HIVEP3: variants seen among roughly 807,000 people sequenced by gnomAD.
The protein encoded by HIVEP3 is transcription factor HIVEP3.
A neutral mutation model predicts 152.8 loss-of-function variants in HIVEP3; 49 were observed. That is an observed-to-expected ratio of 0.32 (90% CI 0.26 to 0.41). The LOEUF (loss-of-function observed/expected upper bound fraction) is 0.41. Ranked by LOEUF, HIVEP3 falls within the 10% of genes least tolerant of loss-of-function variation. The probability of loss-of-function intolerance (pLI) is 1.00; values close to 1 mark genes in which losing one functional copy is unlikely to be tolerated. For synonymous variants in HIVEP3, 1,269 were observed against 1,289.0 expected (o/e 0.98, Z 0.33); for missense variants, 2,790 against 3,103.3 (o/e 0.90, Z 2.40).
chr1:41,685,547 G>A (rs74071923), intron 2 of HIVEP3, among the ~76,000 whole-genome samples: 1 of 152,214 alleles, frequency 6.6e-6, no homozygotes, highest in African/African-American at 2.4e-5. Context: ...TCACCAAGTG[G>A]GCCATGCTGC....
At chr1:41,874,758 GCAAA>G (rs1262187427) in intron 1 of HIVEP3, among the ~76,000 whole-genome samples, 1 of 152,176 alleles carries the variant, frequency 6.6e-6, no homozygotes, top group Admixed American at 6.6e-5. Flanking sequence ...CAGACAATAA[GCAAA>G]CAAACAAACA....
intron 1 of HIVEP3, among the ~76,000 whole-genome samples, chr1:41,718,886 T>C (rs1471952737): frequency 6.6e-6 from 1 of 152,168 alleles, no homozygotes; most frequent in Non-Finnish European, 1.5e-5. Flanking sequence ...CCAAAGGCAT[T>C]AGAACGAAGG....
intron 1 of HIVEP3, among the ~76,000 whole-genome samples, chr1:41,915,236 T>C (rs1452855857): frequency 6.6e-6 from 1 of 152,232 alleles, no homozygotes; most frequent in Non-Finnish European, 1.5e-5. Context: ...TGGGTCATTG[T>C]GAGCATCAGT....
At chr1:41,939,237 C>A (rs1412220300) in intron 1 of HIVEP3, among the ~76,000 whole-genome samples, 2 of 152,064 alleles carry the variant, frequency 1.3e-5, no homozygotes. Context: ...AACCAAGCAC[C>A]CAATTTAAGA....
chr1:41,842,723 C>T (rs1643325560), intron 1 of HIVEP3, among the ~76,000 whole-genome samples: 1 of 152,132 alleles, frequency 6.6e-6, no homozygotes, highest in Non-Finnish European at 1.5e-5. Context: ...CTTTCTCATC[C>T]CTCGAGATGG....
chr1:41,727,774 G>A (rs980043070), intron 1 of HIVEP3, among the ~76,000 whole-genome samples: 1 of 152,222 alleles, frequency 6.6e-6, no homozygotes, highest in Non-Finnish European at 1.5e-5. Context: ...AGAGCCCCAA[G>A]CCCTGGGCTG....
intron 1 of HIVEP3, among the ~76,000 whole-genome samples, chr1:41,737,270 T>A (rs56696542): frequency 0.012 from 1,799 of 152,278 alleles, 34 homozygotes; most frequent in African/African-American, 0.04. Flanking sequence ...GGCAGGGTTG[T>A]CTGGGGGACT....
chr1:41,818,516 G>A (rs1014209882), intron 1 of HIVEP3, among the ~76,000 whole-genome samples: 1 of 152,142 alleles, frequency 6.6e-6, no homozygotes, highest in Non-Finnish European at 1.5e-5. Flanking sequence ...AGGACTGAAA[G>A]CAACCCAAGT....
chr1:41,867,137 C>T (rs1483257057), intron 1 of HIVEP3, among the ~76,000 whole-genome samples: 2 of 152,114 alleles, frequency 1.3e-5, no homozygotes, highest in Admixed American at 6.6e-5. Flanking sequence ...GGGGACACTC[C>T]AGCAGGAACT....
intron 1 of HIVEP3, among the ~76,000 whole-genome samples, chr1:41,741,334 A>T (rs1295543159): frequency 2.6e-5 from 4 of 152,208 alleles, no homozygotes; most frequent in Admixed American, 2.6e-4. Flanking sequence ...GGAGGAACTC[A>T]TCTGCTTCCC....
intron 1 of HIVEP3, among the ~76,000 whole-genome samples, chr1:41,950,420 C>T (rs1215317341): frequency 1.3e-5 from 2 of 152,198 alleles, no homozygotes; most frequent in African/African-American, 2.4e-5. Flanking sequence ...GAACACTTTG[C>T]ACCTTGGGCT....
intron 2 of HIVEP3, among the ~76,000 whole-genome samples, chr1:41,663,535 G>A (rs6684623): frequency 0.044 from 6,715 of 152,240 alleles, 502 homozygotes; most frequent in African/African-American, 0.15. Context: ...CCCAAAGGGC[G>A]GATTAGTGAC....
intron 1 of HIVEP3, among the ~76,000 whole-genome samples, chr1:41,976,975 G>A (rs992113952): frequency 2.6e-5 from 4 of 152,120 alleles, no homozygotes; most frequent in Non-Finnish European, 4.4e-5. Context: ...TAAGCCACCC[G>A]GTTTGTGGTA....
intron 2 of HIVEP3, among the ~76,000 whole-genome samples, chr1:41,679,565 ACTG>A (rs1420643101): frequency 6.6e-6 from 1 of 152,138 alleles, no homozygotes; most frequent in Non-Finnish European, 1.5e-5. Flanking sequence ...GGGATGGAGG[ACTG>A]CTTTGGTATG....
At chr1:41,750,260 G>T (rs1294401093) in intron 1 of HIVEP3, among the ~76,000 whole-genome samples, 1 of 152,230 alleles carries the variant, frequency 6.6e-6, no homozygotes, top group East Asian at 1.9e-4. Flanking sequence ...GCAAGCACTT[G>T]TAAGTGTTAG....
At chr1:41,574,452 GC>G (rs1410727027) in intron 5 of HIVEP3, among the ~76,000 whole-genome samples, 1 of 152,124 alleles carries the variant, frequency 6.6e-6, no homozygotes, top group Non-Finnish European at 1.5e-5. Flanking sequence ...TGACTACCCT[GC>G]TGCCCACATT....
At chr1:41,978,420 T>A (rs998260565) in intron 1 of HIVEP3, among the ~76,000 whole-genome samples, 1 of 152,230 alleles carries the variant, frequency 6.6e-6, no homozygotes, top group Non-Finnish European at 1.5e-5. Context: ...GGTGTCCTTA[T>A]AAGAAGAGGA....
At chr1:41,707,512 G>A (rs1409555673) in intron 1 of HIVEP3, among the ~76,000 whole-genome samples, 7 of 152,360 alleles carry the variant, frequency 4.6e-5, no homozygotes, top group Middle Eastern at 3.4e-3. Context: ...TCCCCGTACT[G>A]GGAAGGGTGA....
intron 5 of HIVEP3, among the ~76,000 whole-genome samples, chr1:41,556,858 T>A (rs370608740): frequency 1.6e-4 from 24 of 152,372 alleles, no homozygotes; most frequent in African/African-American, 5.5e-4. Flanking sequence ...CATGTGGATA[T>A]TCTGCTTTTG....
Sources: gnomAD v4.1 joint callset for allele counts (sites outside exome capture counted in the v4.1 genomes callset) on GRCh38, gnomAD v4.1.1 for gene constraint, MANE v1.5 for transcripts, NCBI Gene and HGNC (gene_info 2026-07-23, HGNC 2026-07-21) for gene names.